NRG3: variants seen among roughly 807,000 people sequenced by gnomAD.
The protein encoded by NRG3 is neuregulin 3.
NRG3 carries 31 observed loss-of-function variants against 66.9 expected under a neutral mutation model. The ratio of observed to expected loss-of-function variants is 0.46; its 90% confidence interval spans 0.35 to 0.63. The LOEUF (loss-of-function observed/expected upper bound fraction) is 0.63. Among genes scored for constraint, NRG3 ranks in the 20% least tolerant of loss-of-function variants. The pLI, the probability that NRG3 is intolerant of heterozygous loss-of-function variation, is 0.00. For synonymous variants in NRG3, 393 were observed against 359.4 expected, an observed-to-expected ratio of 1.09 and a Z score of -1.06; for missense variants, 910 against 878.9, an observed-to-expected ratio of 1.04 and a Z score of -0.45.
At chr10:82,726,722 C>T (rs919637295) in intron 2 of NRG3, among the ~76,000 whole-genome samples, 5 of 152,046 alleles carry the variant, frequency 3.3e-5, no homozygotes, top group African/African-American at 7.2e-5. Flanking sequence ...GAAAAGATAA[C>T]TGAAAATTTG....
At chr10:82,394,231 A>G (rs2086575141) in intron 2 of NRG3, among the ~76,000 whole-genome samples, 1 of 152,288 alleles carries the variant, frequency 6.6e-6, no homozygotes, top group East Asian at 1.9e-4. Context: ...TCTGCTTGGC[A>G]TGCTCTCCAG....
At chr10:82,239,136 A>T (rs576443204) in intron 1 of NRG3, among the ~76,000 whole-genome samples, 1 of 151,888 alleles carries the variant, frequency 6.6e-6, no homozygotes, top group East Asian at 1.9e-4. Context: ...CTATTAAACA[A>T]TTAAATAGTT....
intron 1 of NRG3, among the ~76,000 whole-genome samples, chr10:81,964,318 C>T (rs751236935): frequency 7.5e-5 from 11 of 146,998 alleles, no homozygotes; most frequent in Non-Finnish European, 1.3e-4. Context: ...ATCACTTGAA[C>T]CCGGGAGGCG....
At chr10:82,203,758 G>T (rs2074969586) in intron 1 of NRG3, among the ~76,000 whole-genome samples, 1 of 152,080 alleles carries the variant, frequency 6.6e-6, no homozygotes, top group Admixed American at 6.6e-5. Context: ...TCAAAAACAG[G>T]ATGTTCTTTG....
chr10:82,855,033 T>G (rs1228630505), intron 3 of NRG3, among the ~76,000 whole-genome samples: 2 of 152,098 alleles, frequency 1.3e-5, no homozygotes, highest in Non-Finnish European at 2.9e-5. Context: ...CAGGAGAGGG[T>G]TCCTCTTCTA....
Position 82,817,560 on chromosome 10 carries a change from G to C in NRG3, c.1028-47851G>C, listed in dbSNP as rs17100836. Among the ~76,000 whole-genome samples, 641 of 152,148 alleles carry C rather than the reference G, an allele frequency of 4.2e-3. 4 individuals are homozygous for C. The highest frequency in any genetic ancestry group is 0.015 in the African/African-American group (605 of 41,510). On this transcript the variant is annotated intron_variant, in intron 3 of 8. Coordinates refer to ENST00000372141, the MANE Select transcript of NRG3 (RefSeq NM_001010848.4). ...TACTCCTGGTTATTTTGTCCAAATT[G>C]GTCCAAGTTTGATTCAGGTAAGCCT...
chr10:82,055,025 C>CAAAG (rs148920623), intron 1 of NRG3, among the ~76,000 whole-genome samples: 12,411 of 142,538 alleles, frequency 0.087, 1,712 homozygotes, highest in African/African-American at 0.3. Context: ...TAAAACAAAT[C>CAAAG]AAAGAAAGAA....
In NRG3 at chr10:82,150,675, G is replaced by A. The variant is rs12775441; in HGVS notation, c.824-208064G>A. ...AAGAACGGACACCACAAACTCCAGA[G>A]CAGAGGGCGCCTGGACATTCCAGTG... is the stretch of plus-strand genomic sequence containing the variant. On this transcript the variant is annotated intron_variant, in intron 1 of 8. Coordinates refer to ENST00000372141, the MANE Select transcript of NRG3 (RefSeq NM_001010848.4). Among the ~76,000 whole-genome samples the A allele has an allele frequency of 1.2e-3, 184 of 152,172 alleles. 1 individual carries two copies. The highest frequency in any genetic ancestry group is 2.0e-3 in the Non-Finnish European group (139 of 68,010).
At chr10:81,971,174 T>G (rs2059919952) in intron 1 of NRG3, among the ~76,000 whole-genome samples, 1 of 152,194 alleles carries the variant, frequency 6.6e-6, no homozygotes, top group African/African-American at 2.4e-5. Flanking sequence ...TTAAGTATTG[T>G]GCCTATGCAA....
At chr10:82,260,565 A>G (rs2077974009) in intron 1 of NRG3, among the ~76,000 whole-genome samples, 2 of 152,166 alleles carry the variant, frequency 1.3e-5, no homozygotes. Flanking sequence ...AAGCCATGGC[A>G]TTTGCAGTGG....
intron 2 of NRG3, among the ~76,000 whole-genome samples, chr10:82,650,427 C>T (rs1241533520): frequency 6.6e-6 from 1 of 151,178 alleles, no homozygotes; most frequent in Non-Finnish European, 1.5e-5. Flanking sequence ...AAGAAGGAAA[C>T]AAAAACAAAA....
At chr10:81,955,134 TAATA>T (rs1356601523) in intron 1 of NRG3, among the ~76,000 whole-genome samples, 2 of 147,592 alleles carry the variant, frequency 1.4e-5, no homozygotes, top group African/African-American at 5.0e-5. Flanking sequence ...ACCTGTTATA[TAATA>T]TATATGTTAT....
intron 2 of NRG3, among the ~76,000 whole-genome samples, chr10:82,537,192 A>G (rs1055907952): frequency 1.3e-5 from 2 of 152,050 alleles, no homozygotes; most frequent in Non-Finnish European, 2.9e-5. Context: ...ATAAAATATT[A>G]TTATTTTTAT....
intron 1 of NRG3, among the ~76,000 whole-genome samples, chr10:81,985,696 T>C (rs899825582): frequency 2.0e-5 from 3 of 152,182 alleles, no homozygotes; most frequent in African/African-American, 7.2e-5. Flanking sequence ...ATACTTTCAA[T>C]AGGATATGCC....
At chr10:82,853,746 A>T (rs2063675732) in intron 3 of NRG3, among the ~76,000 whole-genome samples, 1 of 152,146 alleles carries the variant, frequency 6.6e-6, no homozygotes, top group African/African-American at 2.4e-5. Flanking sequence ...TTATTGGCAA[A>T]CAACAGTTTT....
At chr10:82,244,355 A>G (rs1309823407) in intron 1 of NRG3, among the ~76,000 whole-genome samples, 1 of 152,202 alleles carries the variant, frequency 6.6e-6, no homozygotes, top group Non-Finnish European at 1.5e-5. Flanking sequence ...AGATTGTAAG[A>G]GAAATCTAGA....
At chr10:82,235,215 G>A (rs1033036472) in intron 1 of NRG3, among the ~76,000 whole-genome samples, 15 of 152,168 alleles carry the variant, frequency 9.9e-5, no homozygotes, top group South Asian at 2.1e-4. Flanking sequence ...TTTCATGTAC[G>A]TATCATTCAT....
chr10:82,134,233 T>C (rs1340541938), intron 1 of NRG3, among the ~76,000 whole-genome samples: 2 of 152,232 alleles, frequency 1.3e-5, no homozygotes, highest in African/African-American at 4.8e-5. Context: ...CTGTTGAAAG[T>C]TTCTTTTCCT....
chr10:81,975,314 C>CATCTATCTGTCT (rs1554873643), intron 1 of NRG3, among the ~76,000 whole-genome samples: 20 of 143,840 alleles, frequency 1.4e-4, no homozygotes, highest in African/African-American at 4.9e-4. Context: ...AATTGTGTAA[C>CATCTATCTGTCT]ATCTATCTAT....
Sources: allele counts gnomAD v4.1 joint callset (sites outside exome capture counted in the v4.1 genomes callset), GRCh38; gene constraint gnomAD v4.1.1; transcripts MANE v1.5; gene names NCBI Gene and HGNC (gene_info 2026-07-23, HGNC 2026-07-21).